NFIA: variants seen among roughly 807,000 people sequenced by gnomAD.
NFIA encodes nuclear factor I A.
Under a neutral mutation model 62.8 loss-of-function variants are expected in NFIA, and 8 were observed. That is an observed-to-expected ratio of 0.13 (90% CI 0.07 to 0.23). NFIA has a LOEUF of 0.23. Ranked by LOEUF, NFIA falls within the 10% of genes least tolerant of loss-of-function variation. NFIA has a pLI of 1.00. For missense variants in NFIA, 410 were observed against 642.1 expected (o/e 0.64, Z 3.91); for synonymous variants, 235 against 238.1 (o/e 0.99, Z 0.12).
At chr1:61,200,044 A>ATATG (rs1652349856) in intron 2 of NFIA, among the ~76,000 whole-genome samples, 1 of 50,274 alleles carries the variant, frequency 2.0e-5, no homozygotes, top group African/African-American at 1.2e-4. Flanking sequence ...ATATATATAT[A>ATATG]TATATATATA....
chr1:61,186,982 T>C (rs983451380), intron 2 of NFIA, among the ~76,000 whole-genome samples: 8 of 152,210 alleles, frequency 5.3e-5, no homozygotes, highest in Admixed American at 2.6e-4. Flanking sequence ...CCAGTGGTGC[T>C]GTACTTTTGC....
intron 3 of NFIA, among the ~76,000 whole-genome samples, chr1:61,315,585 A>G (rs1660326474): frequency 6.6e-6 from 1 of 152,200 alleles, no homozygotes; most frequent in African/African-American, 2.4e-5. Flanking sequence ...TAAAAATGAC[A>G]GATATTCAAT....
intron 9 of NFIA, among the ~76,000 whole-genome samples, chr1:61,418,465 GAA>G (rs35438395): frequency 6.8e-6 from 1 of 146,836 alleles, no homozygotes; most frequent in Non-Finnish European, 1.5e-5. Context: ...TCTCAAAAAA[GAA>G]AAAAAAAATC....
At chr1:61,081,754 C>T (rs926731047), upstream of NFIA, 2 of 977,602 alleles carry the variant, frequency 2.0e-6, no homozygotes, top group Non-Finnish European at 2.9e-6. Flanking sequence ...CTCACCACCC[C>T]CGCTTCTGAA....
At chr1:61,424,961 C>G (rs1328713733) in intron 9 of NFIA, among the ~76,000 whole-genome samples, 2 of 152,184 alleles carry the variant, frequency 1.3e-5, no homozygotes, top group African/African-American at 4.8e-5. Context: ...GAGACAAAAT[C>G]AGTAGATTTA....
chr1:61,133,485 G>A (rs1384819585), intron 2 of NFIA, among the ~76,000 whole-genome samples: 1 of 152,102 alleles, frequency 6.6e-6, no homozygotes, highest in African/African-American at 2.4e-5. Context: ...TTCACTCTTT[G>A]TTTTCCCAGT....
At chr1:61,393,843 G>A (rs1665134546) in intron 7 of NFIA, among the ~76,000 whole-genome samples, 2 of 152,302 alleles carry the variant, frequency 1.3e-5, no homozygotes, top group South Asian at 4.1e-4. Flanking sequence ...GCTTGTTCCT[G>A]CAGTTAGTGT....
At chr1:61,343,034 A>G (rs1662013162) in intron 4 of NFIA, among the ~76,000 whole-genome samples, 1 of 152,254 alleles carries the variant, frequency 6.6e-6, no homozygotes, top group African/African-American at 2.4e-5. Context: ...ATTAGCTCTT[A>G]GCTATTTTTC....
At chr1:61,172,969 T>C (rs1650065305) in intron 2 of NFIA, among the ~76,000 whole-genome samples, 2 of 152,352 alleles carry the variant, frequency 1.3e-5, no homozygotes, top group South Asian at 4.1e-4. Flanking sequence ...ATTTTCTCAT[T>C]TGATTTTTCT....
At chr1:61,215,817 T>C (rs1200376679) in intron 2 of NFIA, among the ~76,000 whole-genome samples, 2 of 152,248 alleles carry the variant, frequency 1.3e-5, no homozygotes, top group Non-Finnish European at 2.9e-5. Flanking sequence ...CCCTTTTTTA[T>C]GTGACTCAGC....
At chr1:61,104,972 T>G (rs572722937) in intron 2 of NFIA, among the ~76,000 whole-genome samples, 2 of 152,054 alleles carry the variant, frequency 1.3e-5, no homozygotes, top group South Asian at 2.1e-4. Context: ...TTAAAAAAAC[T>G]TACATTCTAA....
At chr1:61,444,094 T>G (rs1667703784) in intron 10 of NFIA, among the ~76,000 whole-genome samples, 1 of 152,198 alleles carries the variant, frequency 6.6e-6, no homozygotes. Flanking sequence ...GAAAAACCAT[T>G]TAAGCAAACC....
intron 7 of NFIA, among the ~76,000 whole-genome samples, chr1:61,389,146 G>A (rs565957100): frequency 4.6e-5 from 7 of 152,250 alleles, no homozygotes; most frequent in African/African-American, 1.7e-4. Context: ...GTGATTCAAG[G>A]CTGATAGGGT....
At chr1:61,263,214 T>G (rs147146859) in intron 2 of NFIA, among the ~76,000 whole-genome samples, 1 of 152,228 alleles carries the variant, frequency 6.6e-6, no homozygotes, top group Non-Finnish European at 1.5e-5. Flanking sequence ...CCAAAGGAAA[T>G]GTCTGTAGAT....
At chr1:61,213,091 G>A (rs1653368151) in intron 2 of NFIA, among the ~76,000 whole-genome samples, 1 of 152,052 alleles carries the variant, frequency 6.6e-6, no homozygotes, top group African/African-American at 2.4e-5. Flanking sequence ...TGACTGCATC[G>A]AAAGAAAAAG....
chr1:61,192,607 G>A (rs2100577317), intron 2 of NFIA, among the ~76,000 whole-genome samples: 1 of 152,110 alleles, frequency 6.6e-6, no homozygotes, highest in East Asian at 1.9e-4. Context: ...GGAGACAGAG[G>A]CAGGAGAATC....
chr1:61,401,263 G>A (rs1665543635), intron 7 of NFIA, among the ~76,000 whole-genome samples: 1 of 152,114 alleles, frequency 6.6e-6, no homozygotes, highest in Non-Finnish European at 1.5e-5. Flanking sequence ...AGAATTAATT[G>A]ATTCTTATAA....
chr1:61,180,831 A>G (rs80195615), intron 2 of NFIA, among the ~76,000 whole-genome samples: 7,108 of 152,282 alleles, frequency 0.047, 229 homozygotes, highest in Admixed American at 0.097. Flanking sequence ...GTATTCCCTT[A>G]TAAGAAAATG....
chr1:61,369,032 T>C (rs1663746620), intron 6 of NFIA, among the ~76,000 whole-genome samples: 1 of 152,192 alleles, frequency 6.6e-6, no homozygotes, highest in South Asian at 2.1e-4. Flanking sequence ...TTCAGCGGCT[T>C]AGACCACAGT....
Sources: gnomAD v4.1 joint callset for allele counts (sites outside exome capture counted in the v4.1 genomes callset) on GRCh38, gnomAD v4.1.1 for gene constraint, MANE v1.5 for transcripts, NCBI Gene and HGNC (gene_info 2026-07-23, HGNC 2026-07-21) for gene names.